The following ZCCHC2 variants were observed in gnomAD, a reference collection of about 807,000 sequenced individuals.
The protein encoded by ZCCHC2 is zinc finger CCHC-type containing 2.
Under a neutral mutation model 103.6 loss-of-function variants are expected in ZCCHC2, and 39 were observed. The ratio of observed to expected loss-of-function variants is 0.38; its 90% CI spans 0.29 to 0.49. The LOEUF (loss-of-function observed/expected upper bound fraction) is 0.49. Ranked by LOEUF, ZCCHC2 falls within the 20% of genes least tolerant of loss-of-function variation. ZCCHC2 has a pLI of 0.96. For missense variants in ZCCHC2, 1,483 were observed against 1,491.0 expected, an observed-to-expected ratio of 0.99 and a Z score of 0.09; for synonymous variants, 687 against 608.9, an observed-to-expected ratio of 1.13 and a Z score of -1.89.
chr18:62,530,278 G>A (rs1220250169), intron 1 of ZCCHC2, among the ~76,000 whole-genome samples: 1 of 152,142 alleles, frequency 6.6e-6, no homozygotes, highest in African/African-American at 2.4e-5. Context: ...TTTCAACTCT[G>A]CCACTAGCTG....
At chr18:62,534,336 A>C (rs978026832) in intron 1 of ZCCHC2, among the ~76,000 whole-genome samples, 1 of 151,286 alleles carries the variant, frequency 6.6e-6, no homozygotes, top group African/African-American at 2.4e-5. Context: ...AAATCTGATT[A>C]TTTGTACTCC....
chr18:62,565,141 T>A (rs1295501562), intron 11 of ZCCHC2, 45 bp downstream of exon 11: 1 of 1,356,154 alleles, frequency 7.4e-7, no homozygotes, highest in Admixed American at 1.8e-5. Flanking sequence ...CATAAATATA[T>A]TCAGCATGAT....
chr18:62,579,597 C>T (rs139627931), downstream of ZCCHC2, among the ~76,000 whole-genome samples: 160 of 152,334 alleles, frequency 1.1e-3, no homozygotes, highest in African/African-American at 3.7e-3. Flanking sequence ...AAATAATGCA[C>T]CTATAGGTAA....
intron 3 of ZCCHC2, 32 bp downstream of exon 3, chr18:62,542,606 C>T (rs1167626543): frequency 4.6e-6 from 7 of 1,520,584 alleles, no homozygotes; most frequent in Middle Eastern, 1.7e-4. Context: ...AGATACCTCA[C>T]GTGCTGTGCT....
Position 62,564,602 on chromosome 18 carries a change from T to C in ZCCHC2, c.1718T>C (p.Ile573Thr). Residue 573 changes from isoleucine (I) to threonine (T), a missense_variant, in exon 10 of 14, where the codon ATA becomes ACA. Physicochemically the swap from Ile to Thr is moderately conservative, Grantham distance 89. Transcript: ENST00000269499. ...GCTGAAAAACGGAGTTTATCTTCAATAAATAAGAAGAAAGGAAAGCCACAA... is the reference window on the plus strand; with the variant it reads ...GCTGAAAAACGGAGTTTATCTTCAACAAATAAGAAGAAAGGAAAGCCACAA... ...HSAEKRSLSS[I>T]NKKKGKPQTE... is the part of the protein sequence containing the mutation. The C allele has an allele frequency of 3.2e-6, 5 of 1,544,984 alleles. No homozygotes were observed. In the South Asian group the frequency reaches 4.9e-5, roughly 15 times the overall value.
At chr18:62,578,947 T>C (rs2121911218), downstream of ZCCHC2, among the ~76,000 whole-genome samples, 1 of 152,290 alleles carries the variant, frequency 6.6e-6, no homozygotes, top group East Asian at 1.9e-4. Flanking sequence ...TTTGTATTTT[T>C]AGTAGAAACG....
chr18:62,556,158 T>TA, intron 5 of ZCCHC2, 45 bp from the exon 6 acceptor site: 1 of 1,480,046 alleles, frequency 6.8e-7, no homozygotes, highest in Non-Finnish European at 9.2e-7. Context: ...TCTTGTGGAT[T>TA]AACATTACCT....
At chr18:62,562,347 T>C (rs888623406) in intron 8 of ZCCHC2, among the ~76,000 whole-genome samples, 1 of 152,066 alleles carries the variant, frequency 6.6e-6, no homozygotes, top group Admixed American at 6.5e-5. Context: ...TTTTTTTCAG[T>C]CTCAGTGCTT....
Position 62,523,376 on chromosome 18 carries a change from G to GCGGCCC in ZCCHC2, c.-48_-47insGGCCCC. ...GCCTCGGCCCGTGCTCCACCTCGCG[G>GCGGCCC]CCCCTCCCGCCCGCCCCCGCTCGCA... On this transcript the variant is annotated 5_prime_UTR_variant, in exon 1 of 14. Transcript: ENST00000269499. 12 of 1,012,344 alleles carry GCGGCCC rather than the reference G, an allele frequency of 1.2e-5. No individual in the cohort carries two copies. Among genetic ancestry groups the GCGGCCC allele is most frequent in the Non-Finnish European group, 1.3e-5 (11 of 848,980 alleles). The allele number at this position is 1,012,344 out of a possible 1,614,324, so 62.7% of individuals were successfully genotyped here.
chr18:62,545,288 G>A (rs1049102104), intron 4 of ZCCHC2, among the ~76,000 whole-genome samples: 11 of 152,066 alleles, frequency 7.2e-5, no homozygotes, highest in Admixed American at 7.2e-4. Flanking sequence ...GTGGCTGCTT[G>A]CAAAGGGACT....
At chr18:62,541,325 T>A (rs1406637924) in intron 2 of ZCCHC2, among the ~76,000 whole-genome samples, 4 of 152,202 alleles carry the variant, frequency 2.6e-5, no homozygotes, top group Admixed American at 6.5e-5. Flanking sequence ...ATACTGGTAA[T>A]GTTATATCCT....
chr18:62,557,668 G>GT (rs1380954869), intron 6 of ZCCHC2, among the ~76,000 whole-genome samples: 1 of 152,186 alleles, frequency 6.6e-6, no homozygotes, highest in African/African-American at 2.4e-5. Flanking sequence ...CGCCAAATGT[G>GT]TTTTTTATTG....
chr18:62,562,721 T>A (rs1441769405), intron 8 of ZCCHC2, among the ~76,000 whole-genome samples: 1 of 152,248 alleles, frequency 6.6e-6, no homozygotes, highest in East Asian at 1.9e-4. Context: ...GCAGGTTGTA[T>A]AAGCCTCTCT....
At chr18:62,564,700 G>T in intron 10 of ZCCHC2, 65 bp downstream of exon 10, 2 of 1,182,176 alleles carry the variant, frequency 1.7e-6, no homozygotes, top group Non-Finnish European at 2.4e-6. Flanking sequence ...GTTTATGATA[G>T]TATACAACAT....
intron 1 of ZCCHC2, among the ~76,000 whole-genome samples, chr18:62,539,308 CAA>C (rs1367735859): frequency 6.6e-6 from 1 of 152,106 alleles, no homozygotes. Flanking sequence ...TAAAACCAAA[CAA>C]TGAATAAAAA....
rs750213191 is a variant in ZCCHC2, at chr18:62,576,582, C to T, written c.*3C>T. On this transcript the variant is annotated 3_prime_UTR_variant, in exon 14 of 14. Transcript: ENST00000269499. ...ATACGTTGGATTCTGCAGACTGAAA[C>T]GAGTAAAGCTTGCCTACTTAATACA... 108 of 1,612,946 alleles carry T rather than the reference C, an allele frequency of 6.7e-5. No individual in the cohort carries two copies. The highest frequency in any genetic ancestry group is 8.3e-5 in the Non-Finnish European group (98 of 1,179,176).
At chr18:62,529,428 G>A (rs916453646) in intron 1 of ZCCHC2, among the ~76,000 whole-genome samples, 21 of 152,144 alleles carry the variant, frequency 1.4e-4, no homozygotes, top group African/African-American at 5.1e-4. Context: ...GCAGGTGAAA[G>A]CTCAGCCTTG....
At chr18:62,537,588 A>T (rs886713019) in intron 1 of ZCCHC2, among the ~76,000 whole-genome samples, 9 of 152,216 alleles carry the variant, frequency 5.9e-5, no homozygotes, top group African/African-American at 2.2e-4. Flanking sequence ...TTTGGGATTC[A>T]TCTAAATCCT....
At chr18:62,530,747 A>G (rs1302841909) in intron 1 of ZCCHC2, among the ~76,000 whole-genome samples, 1 of 152,242 alleles carries the variant, frequency 6.6e-6, no homozygotes, top group South Asian at 2.1e-4. Context: ...GAACATTAAA[A>G]TAGATATTTT....
Sources: gnomAD v4.1 joint callset for allele counts (sites outside exome capture counted in the v4.1 genomes callset) on GRCh38, gnomAD v4.1.1 for gene constraint, MANE v1.5 for transcripts, NCBI Gene and HGNC (gene_info 2026-07-23, HGNC 2026-07-21) for gene names.